Variants in TBXAS1 observed in about 807,000 individuals in gnomAD.
TBXAS1 encodes the protein thromboxane-A synthase.
In TBXAS1, 48 loss-of-function variants were observed where a neutral mutation model predicts 60.7. The observed-to-expected ratio is 0.79, with a 90% CI of 0.63 to 1.01. The LOEUF is 1.01. Ranked by LOEUF, TBXAS1 falls within the 50% of genes least tolerant of loss-of-function variation. TBXAS1 has a pLI of 0.00. For synonymous variants in TBXAS1, 287 were observed against 269.7 expected, an observed-to-expected ratio of 1.06 and a Z score of -0.63; for missense variants, 685 against 686.3, an observed-to-expected ratio of 1.00 and a Z score of 0.02.
intron 10 of TBXAS1, among the ~76,000 whole-genome samples, chr7:140,007,906 G>A (rs563015137): frequency 6.6e-6 from 1 of 152,300 alleles, no homozygotes; most frequent in East Asian, 1.9e-4. Flanking sequence ...TATCTTGAGA[G>A]CAAAACCAAC....
intron 9 of TBXAS1, among the ~76,000 whole-genome samples, chr7:139,978,418 G>A (rs1000974205): frequency 6.6e-6 from 1 of 151,658 alleles, no homozygotes; most frequent in African/African-American, 2.4e-5. Flanking sequence ...GCTGAGGCAG[G>A]AGAATTGCTT....
rs1245316788 is a variant in TBXAS1, at chr7:139,936,422, C to T, written c.450+115C>T. On this transcript the variant is annotated intron_variant, in intron 5 of 12. Transcript: ENST00000448866. ...TTGCCCAGGTGACACATCAAAATGC[C>T]TTTCCCACTGGGACCTTCAGACCTC... 6.7e-6 allele frequency: 7 copies of T among 1,048,204 alleles called. No homozygotes were observed. In the East Asian group the frequency reaches 1.7e-4, roughly 25 times the overall value. The allele number at this position is 1,048,204 out of a possible 1,614,324, so 64.9% of individuals were successfully genotyped here. A position where few individuals can be genotyped will look rare whatever the true frequency, so the allele number is the denominator to read the frequency against.
At position 139,869,270 on chromosome 7, in the gene TBXAS1, A is replaced by G. The variant is rs146243431; in HGVS notation, c.90-2965A>G. Among the ~76,000 whole-genome samples, 47 of 152,276 alleles carry G rather than the reference A, an allele frequency of 3.1e-4. No individual in the cohort carries two copies. In the East Asian group the frequency reaches 8.5e-3, roughly 28 times the overall value. On this transcript the variant is annotated intron_variant, in intron 1 of 12. Transcript: ENST00000448866. ...CCTTGGCTTGCAGTGGCCTGACACC[A>G]ATCTCTGCTTTCATAGTCACTCGGC...
chr7:139,950,301 G>A (rs1289615846), intron 5 of TBXAS1, among the ~76,000 whole-genome samples: 1 of 152,102 alleles, frequency 6.6e-6, no homozygotes, highest in African/African-American at 2.4e-5. Flanking sequence ...CTCCGAAAGT[G>A]CTGGGATTAT....
chr7:139,942,305 G>T (rs1325714113), intron 5 of TBXAS1, among the ~76,000 whole-genome samples: 5 of 152,196 alleles, frequency 3.3e-5, no homozygotes, highest in Non-Finnish European at 7.3e-5. Flanking sequence ...GCTTGAGAAA[G>T]GCCTGCAGTA....
intron 4 of TBXAS1, among the ~76,000 whole-genome samples, chr7:139,924,032 A>G (rs1283381111): frequency 6.6e-6 from 1 of 152,022 alleles, no homozygotes; most frequent in Non-Finnish European, 1.5e-5. Context: ...CGTTTTCTTT[A>G]TGCAGTTGTC....
chr7:139,866,588 T>TAAA (rs574216852), intron 1 of TBXAS1, among the ~76,000 whole-genome samples: 1,623 of 121,228 alleles, frequency 0.013, 23 homozygotes, highest in African/African-American at 0.027. Flanking sequence ...ACCCTGTTTC[T>TAAA]AAAAAAAAAA....
intron 4 of TBXAS1, among the ~76,000 whole-genome samples, chr7:139,915,042 T>C (rs1215893507): frequency 1.3e-5 from 2 of 152,216 alleles, no homozygotes; most frequent in Non-Finnish European, 2.9e-5. Context: ...AGACCCATCA[T>C]AGATAAGATC....
chr7:139,892,245 A>G (rs1803677128), intron 3 of TBXAS1, among the ~76,000 whole-genome samples: 1 of 152,162 alleles, frequency 6.6e-6, no homozygotes, highest in Non-Finnish European at 1.5e-5. Context: ...TAGCTCAGCT[A>G]TCCCTACTGA....
chr7:139,889,465 G>T (rs1803385580), intron 3 of TBXAS1, among the ~76,000 whole-genome samples: 1 of 152,216 alleles, frequency 6.6e-6, no homozygotes, highest in Non-Finnish European at 1.5e-5. Context: ...AGGTTGAACA[G>T]GGCAAAGACA....
chr7:139,979,395 T>A (rs200195807), intron 9 of TBXAS1, among the ~76,000 whole-genome samples: 1 of 152,034 alleles, frequency 6.6e-6, no homozygotes, highest in Non-Finnish European at 1.5e-5. Flanking sequence ...AAAACTTGCT[T>A]CAATAACCAA....
At chr7:139,947,079 T>A (rs534179569) in intron 5 of TBXAS1, among the ~76,000 whole-genome samples, 1 of 152,090 alleles carries the variant, frequency 6.6e-6, no homozygotes, top group African/African-American at 2.4e-5. Flanking sequence ...CTCCCTCCTT[T>A]TAGAATTCAC....
intron 8 of TBXAS1, 106 bp downstream of exon 8, chr7:139,957,870 C>A (rs1232008217): frequency 2.0e-6 from 3 of 1,515,686 alleles, no homozygotes; most frequent in African/African-American, 1.4e-5. Flanking sequence ...TCACACCGTG[C>A]CGTCCTTCAG....
intron 9 of TBXAS1, among the ~76,000 whole-genome samples, chr7:139,984,819 GAAGAAGA>G (rs917633590): frequency 1.9e-4 from 24 of 128,226 alleles, no homozygotes; most frequent in African/African-American, 7.4e-4. Flanking sequence ...AGAAAGAAAA[GAAGAAGA>G]AAGAAAGAGG....
chr7:139,812,640 A>C (rs1330277290), intron 4 of TBXAS1, among the ~76,000 whole-genome samples: 1 of 152,206 alleles, frequency 6.6e-6, no homozygotes, highest in Non-Finnish European at 1.5e-5. Context: ...GAATGTATTC[A>C]TTTCTCCACA....
At chr7:139,924,871 A>G (rs116051575) in intron 4 of TBXAS1, among the ~76,000 whole-genome samples, 1,775 of 152,266 alleles carry the variant, frequency 0.012, 41 homozygotes, top group African/African-American at 0.04. Context: ...ATCATTCTTC[A>G]TATGGATATC....
At chr7:139,914,387 A>G (rs1316832424) in intron 4 of TBXAS1, among the ~76,000 whole-genome samples, 2 of 151,938 alleles carry the variant, frequency 1.3e-5, no homozygotes, top group Admixed American at 6.6e-5. Context: ...AAAAATATCC[A>G]TGGAAAGTGG....
At chr7:139,988,591 C>T (rs1266763038) in intron 9 of TBXAS1, among the ~76,000 whole-genome samples, 1 of 152,184 alleles carries the variant, frequency 6.6e-6, no homozygotes, top group Middle Eastern at 3.2e-3. Context: ...CCTCCGGCTT[C>T]TCCTTCCTAC....
chr7:139,929,391 G>T (rs897985174), intron 4 of TBXAS1, among the ~76,000 whole-genome samples: 1 of 152,064 alleles, frequency 6.6e-6, no homozygotes, highest in South Asian at 2.1e-4. Context: ...TTTATGTGAT[G>T]GAGTGATGGC....
Sources: gnomAD v4.1 joint callset for allele counts (sites outside exome capture counted in the v4.1 genomes callset) on GRCh38, gnomAD v4.1.1 for gene constraint, MANE v1.5 for transcripts, NCBI Gene and HGNC (gene_info 2026-07-23, HGNC 2026-07-21) for gene names.